ZNF738: variants seen among roughly 807,000 people sequenced by gnomAD.
The protein encoded by ZNF738 is zinc finger protein 738.
ZNF738 carries 10 observed loss-of-function variants against 9.2 expected under a neutral mutation model. The observed-to-expected ratio is 1.09, with a 90% confidence interval of 0.67 to 1.85. The LOEUF is 1.85. Ranked by LOEUF, ZNF738 falls within the 40% of genes most tolerant of loss-of-function variation. The pLI is 0.00. For missense variants in ZNF738, 346 were observed against 283.6 expected (o/e 1.22, Z -1.58); for synonymous variants, 113 against 94.5 (o/e 1.20, Z -1.14).
At chr19:21,381,181 A>C (rs1973998613) in intron 4 of ZNF738, 1 of 1,233,056 alleles carries the variant, frequency 8.1e-7, no homozygotes, top group South Asian at 1.4e-5. Context: ...GGCTTCCAGG[A>C]GTTTTCTTGG....
intron 4 of ZNF738, among the ~76,000 whole-genome samples, chr19:21,380,813 G>A (rs1973993772): frequency 6.6e-6 from 1 of 152,138 alleles, no homozygotes; most frequent in Non-Finnish European, 1.5e-5. Context: ...CCAGCAGTCA[G>A]GACGTCCTGT....
chr19:21,361,214 C>T (rs139609864), intron 1 of ZNF738, among the ~76,000 whole-genome samples: 5 of 152,132 alleles, frequency 3.3e-5, no homozygotes, highest in Non-Finnish European at 4.4e-5. Flanking sequence ...CTCGGCTCAC[C>T]GCAACTTCTG....
chr19:21,365,076 T>C (rs1973758228), intron 2 of ZNF738, among the ~76,000 whole-genome samples: 1 of 152,040 alleles, frequency 6.6e-6, no homozygotes, highest in Non-Finnish European at 1.5e-5. Context: ...CTTGATTATA[T>C]GCTAAACAAG....
At chr19:21,374,404 G>T (rs552469195) in intron 2 of ZNF738, among the ~76,000 whole-genome samples, 37 of 152,284 alleles carry the variant, frequency 2.4e-4, no homozygotes, top group South Asian at 8.3e-4. Context: ...TATACTTTTT[G>T]GGGGGCAATA....
chr19:21,381,060 C>G (rs984753508), intron 4 of ZNF738, among the ~76,000 whole-genome samples: 10 of 152,202 alleles, frequency 6.6e-5, no homozygotes, highest in African/African-American at 1.9e-4. Flanking sequence ...AATATTTCTT[C>G]TGGGATCTAA....
rs965929294 is a variant in ZNF738 at position 21,387,114 on chromosome 19, T to C, written c.*3440T>C. 1.3e-5 allele frequency: 2 copies of C among 154,022 alleles called. No homozygotes were observed. The highest frequency in any genetic ancestry group is 4.8e-5 in the African/African-American group (2 of 41,438). 9.5% of individuals were successfully genotyped at this position (154,022 alleles called of 1,614,324 possible). On this transcript the variant is annotated 3_prime_UTR_variant, in exon 5 of 5. Coordinates refer to ENST00000683779, the MANE Select transcript of ZNF738 (RefSeq NM_001355237.2). ...ACAACACCTCAAGCTTTTCTAACCA[T>C]AAAAAGAATCATATTGGTGAGAAAT...
intron 2 of ZNF738, among the ~76,000 whole-genome samples, chr19:21,362,898 A>G (rs1973718757): frequency 6.6e-6 from 1 of 152,192 alleles, no homozygotes; most frequent in African/African-American, 2.4e-5. Flanking sequence ...TAGAAAATGA[A>G]TACGTTTCCA....
intron 2 of ZNF738, among the ~76,000 whole-genome samples, chr19:21,362,120 T>TG (rs372035718): frequency 1.5e-5 from 2 of 136,672 alleles, no homozygotes; most frequent in Non-Finnish European, 1.6e-5. Context: ...ATAATAATAA[T>TG]AATAATAATA....
chr19:21,384,174 G>T lies in ZNF738; in HGVS notation c.*500G>T. Reference sequence around the variant, plus strand: ...TGTAGAGAAACGCTACAAATGTGAGGAATGTGGCAAAGCTTTTAACTGGTA... The same window carrying T: ...TGTAGAGAAACGCTACAAATGTGAGTAATGTGGCAAAGCTTTTAACTGGTA... On this transcript the variant is annotated 3_prime_UTR_variant, in exon 5 of 5. Coordinates refer to ENST00000683779, the MANE Select transcript of ZNF738 (RefSeq NM_001355237.2). 1 of 1,437,614 alleles carries T rather than the reference G, an allele frequency of 7.0e-7. No homozygotes were observed. The highest frequency in any genetic ancestry group is 1.1e-5 in the South Asian group (1 of 87,550). 89.1% of individuals were successfully genotyped at this position (1,437,614 alleles called of 1,614,324 possible). A position where few individuals can be genotyped will look rare whatever the true frequency, so the allele number is the denominator to read the frequency against.
At chr19:21,380,184 T>C (rs898046577) in intron 4 of ZNF738, among the ~76,000 whole-genome samples, 12 of 152,156 alleles carry the variant, frequency 7.9e-5, no homozygotes, top group Non-Finnish European at 1.5e-4. Context: ...TACAATGTCT[T>C]CTCTGCTACA....
chr19:21,375,179 A>T (rs1973908495), intron 2 of ZNF738, 59 bp from the exon 3 acceptor site: 6 of 853,582 alleles, frequency 7.0e-6, no homozygotes, highest in Non-Finnish European at 1.1e-5. Flanking sequence ...ACCTTAATTC[A>T]AATGATAAAT....
At position 21,386,590 on chromosome 19, in the gene ZNF738, G is replaced by A; in HGVS notation, c.*2916G>A. On this transcript the variant is annotated 3_prime_UTR_variant, in exon 5 of 5. Transcript: ENST00000683779. ...CATACAGGAGAGAAACACTACAAAT[G>A]TGAGGAATGTGACAAAGCCTTTAAC... The A allele has an allele frequency of 3.2e-6, 1 of 313,212 alleles. No homozygotes were observed. The highest frequency in any genetic ancestry group is 6.6e-6 in the Non-Finnish European group (1 of 150,762). 19.4% of individuals were successfully genotyped at this position (313,212 alleles called of 1,614,324 possible).
Position 21,359,019 on chromosome 19 carries a change from A to G in ZNF738, c.-122A>G. ...TTCTTTGTCTTTGGCTGCCGCTGGA[A>G]CTCCGGGTCTCGTCTTCACTGCTCT... On this transcript the variant is annotated 5_prime_UTR_variant, in exon 1 of 5. Transcript: ENST00000683779. 1 of 772,366 alleles carries G rather than the reference A, an allele frequency of 1.3e-6. No homozygotes were observed. Among genetic ancestry groups the G allele is most frequent in the Non-Finnish European group, 2.4e-6 (1 of 421,834 alleles). 47.8% of individuals were successfully genotyped at this position (772,366 alleles called of 1,614,324 possible). A position where few individuals can be genotyped will look rare whatever the true frequency, so the allele number is the denominator to read the frequency against.
intron 2 of ZNF738, among the ~76,000 whole-genome samples, chr19:21,367,841 C>T (rs1973804218): frequency 6.6e-6 from 1 of 152,196 alleles, no homozygotes; most frequent in Non-Finnish European, 1.5e-5. Flanking sequence ...AGGAACTTCA[C>T]CACAGCATAT....
chr19:21,383,541 C>T lies in ZNF738; in HGVS notation c.995C>T (p.Thr332Ile). 1.0e-6 allele frequency: 1 copy of T among 1,000,508 alleles called. No homozygotes were observed. Among genetic ancestry groups the T allele is most frequent in the Non-Finnish European group, 1.6e-6 (1 of 638,794 alleles). The allele number at this position is 1,000,508 out of a possible 1,614,324, so 62.0% of individuals were successfully genotyped here. ...GKAFCQFSYLTKHKIIHTGEK... is the reference protein window; with the variant it reads ...GKAFCQFSYLIKHKIIHTGEK... The stretch of plus-strand genomic sequence containing the variant: ...GCTTTCTGCCAATTCTCATACCTTA[C>T]TAAACATAAGATAATTCATACTGGA... The change falls in exon 5 of 5, where the codon ACT (threonine) becomes ATT (isoleucine). Residue 332 changes from threonine to isoleucine, a missense_variant. Physicochemically the swap from Thr to Ile is moderately conservative, Grantham distance 89. Transcript: ENST00000683779.
chr19:21,366,678 T>C (rs1973784527), intron 2 of ZNF738, among the ~76,000 whole-genome samples: 1 of 152,166 alleles, frequency 6.6e-6, no homozygotes, highest in African/African-American at 2.4e-5. Context: ...TGGTTGCACA[T>C]TTTTATGTTT....
Position 21,386,565 on chromosome 19 carries a change from C to A in ZNF738, c.*2891C>A. 1 of 348,380 alleles carries A rather than the reference C, an allele frequency of 2.9e-6. No individual in the cohort carries two copies. Among genetic ancestry groups the A allele is most frequent in the South Asian group, 2.9e-5 (1 of 35,068 alleles). 21.6% of individuals were successfully genotyped at this position (348,380 alleles called of 1,614,324 possible). A position where few individuals can be genotyped will look rare whatever the true frequency, so the allele number is the denominator to read the frequency against. ...ACAAACCTTTTTGAACAAAATAATT[C>A]ATACAGGAGAGAAACACTACAAATG... On this transcript the variant is annotated 3_prime_UTR_variant, in exon 5 of 5. Transcript: ENST00000683779.
chr19:21,367,860 A>G (rs1973804857), intron 2 of ZNF738, among the ~76,000 whole-genome samples: 1 of 152,206 alleles, frequency 6.6e-6, no homozygotes, highest in Non-Finnish European at 1.5e-5. Flanking sequence ...ATTTGATCCT[A>G]GGGTTTCTTG....
At chr19:21,364,431 A>G (rs1473193814) in intron 2 of ZNF738, among the ~76,000 whole-genome samples, 3 of 152,138 alleles carry the variant, frequency 2.0e-5, no homozygotes, top group Non-Finnish European at 4.4e-5. Flanking sequence ...ATGAAATTGT[A>G]TAATGGCTCA....
Sources: gnomAD v4.1 joint callset for allele counts (sites outside exome capture counted in the v4.1 genomes callset) on GRCh38, gnomAD v4.1.1 for gene constraint, MANE v1.5 for transcripts, NCBI Gene and HGNC (gene_info 2026-07-23, HGNC 2026-07-21) for gene names.